MAGI2: variants seen among roughly 807,000 people sequenced by gnomAD.
MAGI2 encodes the protein membrane associated guanylate kinase, WW and PDZ domain containing 2.
In MAGI2, 35 loss-of-function variants were observed where a neutral mutation model predicts 133.3. The ratio of observed to expected loss-of-function variants is 0.26; its 90% CI spans 0.20 to 0.35. MAGI2 has a LOEUF of 0.35. Ranked by LOEUF, MAGI2 falls within the 10% of genes least tolerant of loss-of-function variation. The pLI is 1.00. For missense variants in MAGI2, 1,636 were observed against 1,863.4 expected (o/e 0.88, Z 2.25); for synonymous variants, 729 against 710.6 (o/e 1.03, Z -0.41).
intron 10 of MAGI2, among the ~76,000 whole-genome samples, chr7:78,249,221 G>A (rs375489242): frequency 1.3e-4 from 20 of 152,158 alleles, no homozygotes; most frequent in Admixed American, 5.9e-4. Flanking sequence ...AACAAGTGTC[G>A]GCGAGGATGT....
intron 9 of MAGI2, among the ~76,000 whole-genome samples, chr7:78,259,411 A>C (rs1237509473): frequency 3.9e-5 from 6 of 152,206 alleles, no homozygotes; most frequent in Non-Finnish European, 7.4e-5. Context: ...AGAAGTAATG[A>C]TGAACAATAG....
intron 6 of MAGI2, among the ~76,000 whole-genome samples, chr7:78,455,085 A>G (rs1789164277): frequency 6.6e-6 from 1 of 152,212 alleles, no homozygotes; most frequent in Non-Finnish European, 1.5e-5. Flanking sequence ...ATAATGTATC[A>G]ATATTGGCTT....
At chr7:78,132,523 C>T (rs1426183352) in intron 18 of MAGI2, among the ~76,000 whole-genome samples, 2 of 152,268 alleles carry the variant, frequency 1.3e-5, no homozygotes, top group African/African-American at 4.8e-5. Flanking sequence ...CCTTCTGCCA[C>T]CCCATATATT....
intron 1 of MAGI2, among the ~76,000 whole-genome samples, chr7:79,253,237 G>C (rs977317773): frequency 1.3e-5 from 2 of 152,148 alleles, no homozygotes; most frequent in Non-Finnish European, 2.9e-5. Flanking sequence ...CTATTTTCAA[G>C]TTAGGACAGA....
At chr7:79,403,247 T>C (rs905369841) in intron 1 of MAGI2, among the ~76,000 whole-genome samples, 6 of 152,192 alleles carry the variant, frequency 3.9e-5, no homozygotes, top group African/African-American at 1.4e-4. Flanking sequence ...ATTCATTACT[T>C]GTATGTTTAC....
At chr7:79,083,257 T>C (rs1311339033) in intron 1 of MAGI2, among the ~76,000 whole-genome samples, 1 of 151,492 alleles carries the variant, frequency 6.6e-6, no homozygotes, top group Non-Finnish European at 1.5e-5. Context: ...GTCTTGTTAC[T>C]GATTTAAGGG....
chr7:78,851,637 A>G (rs1793148272), intron 2 of MAGI2, among the ~76,000 whole-genome samples: 1 of 152,064 alleles, frequency 6.6e-6, no homozygotes, highest in Admixed American at 6.6e-5. Flanking sequence ...ATATTGTTTA[A>G]TTCTGCTCAT....
chr7:79,202,258 T>A (rs115520012), intron 1 of MAGI2, among the ~76,000 whole-genome samples: 1 of 151,874 alleles, frequency 6.6e-6, no homozygotes, highest in Non-Finnish European at 1.5e-5. Flanking sequence ...ATTTTGATTA[T>A]CTACCAAGAC....
chr7:78,601,133 A>G (rs6972815), intron 3 of MAGI2, among the ~76,000 whole-genome samples: 62,509 of 151,978 alleles, frequency 0.41, 13,462 homozygotes, highest in South Asian at 0.6. Flanking sequence ...TGTATTTTCA[A>G]TACAATAAAT....
At chr7:78,636,351 CTT>C (rs34984460) in intron 2 of MAGI2, among the ~76,000 whole-genome samples, 3,150 of 129,148 alleles carry the variant, frequency 0.024, 90 homozygotes, top group African/African-American at 0.084. Context: ...CAAAAACAGG[CTT>C]TTTTTTTTTT....
chr7:78,767,917 G>T (rs1174579191), intron 2 of MAGI2, among the ~76,000 whole-genome samples: 2 of 152,074 alleles, frequency 1.3e-5, no homozygotes, highest in African/African-American at 4.8e-5. Context: ...CTTAAATGTT[G>T]TTCAGGTAGC....
At chr7:79,311,804 C>A (rs188014372) in intron 1 of MAGI2, among the ~76,000 whole-genome samples, 3 of 152,272 alleles carry the variant, frequency 2.0e-5, no homozygotes, top group African/African-American at 7.2e-5. Flanking sequence ...CTTACAGAGC[C>A]TTTCCCATCT....
intron 1 of MAGI2, among the ~76,000 whole-genome samples, chr7:79,161,142 C>A (rs1824312888): frequency 6.6e-6 from 1 of 151,672 alleles, no homozygotes; most frequent in African/African-American, 2.4e-5. Flanking sequence ...TAGTTGTAAC[C>A]CCTTTACCTA....
At chr7:78,209,019 G>A (rs1200551947) in intron 10 of MAGI2, among the ~76,000 whole-genome samples, 7 of 149,984 alleles carry the variant, frequency 4.7e-5, no homozygotes, top group African/African-American at 7.3e-5. Context: ...TCAGGAGATC[G>A]AGACCATCTG....
At chr7:78,373,690 C>T (rs954931410) in intron 6 of MAGI2, among the ~76,000 whole-genome samples, 5 of 152,062 alleles carry the variant, frequency 3.3e-5, no homozygotes, top group African/African-American at 1.2e-4. Context: ...TGAATGATCC[C>T]ATCACCCAGG....
In MAGI2 at chr7:78,887,553, A is replaced by G. The variant is rs114770824; in HGVS notation, c.418+119537T>C. Reference sequence around the variant, plus strand: ...CATTTTGAAAAACAAAACATGCTTTATGAATGGCTATATCATCGTAGGTGG... The same window carrying G: ...CATTTTGAAAAACAAAACATGCTTTGTGAATGGCTATATCATCGTAGGTGG... On this transcript the variant is annotated intron_variant, in intron 2 of 21. Transcript: ENST00000354212. 2.0e-3 allele frequency among the ~76,000 whole-genome samples: 305 copies of G among 152,362 alleles called. 2 individuals carry two copies. Among genetic ancestry groups the G allele is most frequent in the African/African-American group, 6.8e-3 (283 of 41,592 alleles).
At chr7:78,127,158 C>A (rs746885134) in intron 19 of MAGI2, 39 bp downstream of exon 19, 1 of 1,453,576 alleles carries the variant, frequency 6.9e-7, no homozygotes, top group Non-Finnish European at 9.3e-7. Flanking sequence ...TCTCTGGAAG[C>A]CTTGGTCAGG....
In MAGI2 at chr7:78,380,532, G is replaced by T. The variant is rs1474442597; in HGVS notation, c.1046-11319C>A. On this transcript the variant is annotated intron_variant, in intron 6 of 21. Transcript: ENST00000354212. ...GTCACATGTTCTCACCCAGCTGTGGGAGCTAAAACTTGAAACAACCGAACT... is the reference window on the plus strand; with the variant it reads ...GTCACATGTTCTCACCCAGCTGTGGTAGCTAAAACTTGAAACAACCGAACT... Among the ~76,000 whole-genome samples the T allele has an allele frequency of 7.2e-5, 11 of 152,154 alleles. No individual in the cohort carries two copies. In the South Asian group the frequency reaches 2.1e-3, roughly 29 times the overall value.
rs980357854 is a variant in MAGI2, at chr7:78,972,578, A to T, written c.418+34512T>A. ...TTCTGAGGTTTTAAAATAGTGCAGA[A>T]TTGAGGTAGATTTCATAGTAATTAT... On this transcript the variant is annotated intron_variant, in intron 2 of 21. Transcript: ENST00000354212. 8.6e-5 allele frequency among the ~76,000 whole-genome samples: 13 copies of T among 152,010 alleles called. No homozygotes were observed. The East Asian group carries it at 2.3e-3, about 27-fold the overall frequency.
Sources: gnomAD v4.1 joint callset for allele counts (sites outside exome capture counted in the v4.1 genomes callset) on GRCh38, gnomAD v4.1.1 for gene constraint, MANE v1.5 for transcripts, NCBI Gene and HGNC (gene_info 2026-07-23, HGNC 2026-07-21) for gene names.